The following PNPLA7 variants were observed in gnomAD, a reference collection of about 807,000 sequenced individuals.
PNPLA7 encodes the protein patatin-like phospholipase domain-containing protein 7.
Under a neutral mutation model 161.7 loss-of-function variants are expected in PNPLA7, and 153 were observed. The ratio of observed to expected loss-of-function variants is 0.95; its 90% confidence interval spans 0.83 to 1.08. The LOEUF (loss-of-function observed/expected upper bound fraction) is 1.08. Among genes scored for constraint, PNPLA7 ranks in the 50% least tolerant of loss-of-function variants. PNPLA7 has a pLI of 0.00. For synonymous variants in PNPLA7, 809 were observed against 782.1 expected, an observed-to-expected ratio of 1.03 and a Z score of -0.57; for missense variants, 1,739 against 1,856.6, an observed-to-expected ratio of 0.94 and a Z score of 1.16.
chr9:137,505,266 AAAGT>A (rs1447617866), intron 14 of PNPLA7, among the ~76,000 whole-genome samples: 2 of 151,592 alleles, frequency 1.3e-5, no homozygotes, highest in Non-Finnish European at 2.9e-5. Context: ...TGAATATTAA[AAAGT>A]AATAAAAATA....
At chr9:137,466,215 G>A (rs893469297) in intron 26 of PNPLA7, among the ~76,000 whole-genome samples, 1 of 152,278 alleles carries the variant, frequency 6.6e-6, no homozygotes, top group South Asian at 2.1e-4. Context: ...CCCCATGGAG[G>A]CTCCATGCCT....
intron 9 of PNPLA7, among the ~76,000 whole-genome samples, chr9:137,522,354 G>C (rs1028817332): frequency 2.0e-5 from 3 of 149,872 alleles, no homozygotes; most frequent in African/African-American, 2.5e-5. Flanking sequence ...GGTTACAGGC[G>C]GGAGCCGCCG....
chr9:137,544,803 C>CA (rs1836401483), intron 4 of PNPLA7, among the ~76,000 whole-genome samples: 2 of 152,134 alleles, frequency 1.3e-5, no homozygotes, highest in Non-Finnish European at 2.9e-5. Context: ...GCGCCCGCCA[C>CA]AAAGCCCAGC....
intron 21 of PNPLA7, among the ~76,000 whole-genome samples, chr9:137,483,337 C>T (rs545713913): frequency 5.8e-4 from 88 of 152,240 alleles, no homozygotes; most frequent in Admixed American, 2.9e-3. Context: ...CTGATGTCAC[C>T]GGAAATGAGT....
intron 7 of PNPLA7, 92 bp downstream of exon 7, chr9:137,542,550 C>T: frequency 7.4e-7 from 1 of 1,355,768 alleles, no homozygotes; most frequent in Non-Finnish European, 9.7e-7. Flanking sequence ...TTTTGCCTAG[C>T]TTTTCAATGA....
intron 12 of PNPLA7, among the ~76,000 whole-genome samples, chr9:137,514,922 G>T (rs1169330968): frequency 6.6e-6 from 1 of 152,044 alleles, no homozygotes; most frequent in Non-Finnish European, 1.5e-5. Context: ...CTGTGGCTGG[G>T]CTGTGGGCGG....
chr9:137,543,559 T>C lies in PNPLA7; in HGVS notation c.379A>G (p.Lys127Glu). Residue 127 changes from lysine (K) to glutamate (E), a missense_variant, in exon 6 of 35, where the codon AAG becomes GAG. Coordinates refer to ENST00000406427, the MANE Select transcript of PNPLA7 (RefSeq NM_001098537.3). The surrounding 1 kb of genome is among the most constrained non-coding windows in gnomAD (Gnocchi z 6.9). ...GGCTGCAGGGCCGGGTATTCCTTCT[T>C]GAAACGCAGAATCCTACAAGGCAGA... ...LSLAKRILRF[K>E]KEYPALQPKE... 1.2e-6 allele frequency: 2 copies of C among 1,612,452 alleles called. No individual in the cohort carries two copies. The highest frequency in any genetic ancestry group is 1.7e-6 in the Non-Finnish European group (2 of 1,179,202).
chr9:137,481,684 T>G lies in PNPLA7; in HGVS notation c.2348-661A>C, dbSNP rs569971767. Among the ~76,000 whole-genome samples, 22 of 152,280 alleles carry G rather than the reference T, an allele frequency of 1.4e-4. 1 individual carries two copies. The East Asian group carries it at 2.5e-3, about 17-fold the overall frequency. ...TTCTAATTAAAAGCTAGAGATCGGCTGGGCGCGGTGGCTCACGCCTGTAAT... is the reference window on the plus strand; with the variant it reads ...TTCTAATTAAAAGCTAGAGATCGGCGGGGCGCGGTGGCTCACGCCTGTAAT... On this transcript the variant is annotated intron_variant, in intron 21 of 34. Transcript: ENST00000406427.
At chr9:137,545,468 C>T (rs560471874) in intron 4 of PNPLA7, among the ~76,000 whole-genome samples, 18 of 152,256 alleles carry the variant, frequency 1.2e-4, no homozygotes, top group Admixed American at 7.8e-4. Context: ...AGCAGCTTTC[C>T]GTTCTCACTT....
intron 12 of PNPLA7, chr9:137,509,762 G>A (rs1185111818): frequency 4.4e-6 from 2 of 455,310 alleles, no homozygotes; most frequent in East Asian, 7.0e-5. Context: ...AGACGCTGGT[G>A]TCTGTGGGCG....
chr9:137,461,864 G>A (rs1831218022), intron 32 of PNPLA7, 67 bp downstream of exon 32: 2 of 1,445,546 alleles, frequency 1.4e-6, no homozygotes, highest in Non-Finnish European at 1.8e-6. Flanking sequence ...TGAACTGGGC[G>A]TGGGCGTGGC....
chr9:137,527,912 T>C (rs1835380627), intron 8 of PNPLA7, among the ~76,000 whole-genome samples: 1 of 152,248 alleles, frequency 6.6e-6, no homozygotes, highest in Non-Finnish European at 1.5e-5. Flanking sequence ...GGATTTTAGC[T>C]ACAGATTCGA....
intron 8 of PNPLA7, among the ~76,000 whole-genome samples, chr9:137,533,333 C>A (rs1172276349): frequency 6.9e-6 from 1 of 143,948 alleles, no homozygotes; most frequent in Non-Finnish European, 1.5e-5. Flanking sequence ...GGAGCACCCC[C>A]AGACTCCTCC....
At position 137,550,268 on chromosome 9, in the gene PNPLA7, C is replaced by G; in HGVS notation, c.-71G>C. On this transcript the variant is annotated 5_prime_UTR_variant, in exon 1 of 35. Transcript: ENST00000406427. ...GAAGCAAACAAGGGCACACCTCTAC[C>G]CGCTCATGCTCACACCTGGACACTT... 1 of 1,543,540 alleles carries G rather than the reference C, an allele frequency of 6.5e-7. No individual in the cohort carries two copies.
chr9:137,460,969 G>A (rs1460356381), intron 33 of PNPLA7: 5 of 529,522 alleles, frequency 9.4e-6, no homozygotes, highest in African/African-American at 5.7e-5. Context: ...CAAGGACAAG[G>A]AGCGGGCAGA....
rs756430911 is a variant in PNPLA7 at position 137,478,094 on chromosome 9, C to T, written c.2822G>A (p.Arg941His). The T allele has an allele frequency of 5.4e-5, 75 of 1,376,950 alleles. No individual in the cohort carries two copies. In the Middle Eastern group the frequency reaches 5.7e-4, roughly 10 times the overall value. The allele number at this position is 1,376,950 out of a possible 1,614,324, so 85.3% of individuals were successfully genotyped here. ...GTTGCCCGTCAGCACCCTCGCCAGG[C>T]GGGAGAAGTCTGAGTGTCGGTCCGG... ...RPPDRHSDFS[R>H]LARVLTGNAI... The change falls in exon 25 of 35, where the codon CGC becomes CAC. Residue 941 changes from arginine (R) to histidine (H), a missense_variant. Transcript: ENST00000406427.
chr9:137,464,570 T>C, intron 26 of PNPLA7, 114 bp from the exon 27 acceptor site: 1 of 980,724 alleles, frequency 1.0e-6, no homozygotes, highest in Non-Finnish European at 1.6e-6. Context: ...CAGAGTGTCC[T>C]TGGGCCCCAC....
chr9:137,478,166 C>T lies in PNPLA7; in HGVS notation c.2764-14G>A, dbSNP rs905241486. ...GTACATCTCCACCTGGGGGAGGAGC[C>T]GTCAGGCAGGGCTGGTGCAGGGCCC... On this transcript the variant is annotated splice_polypyrimidine_tract_variant and intron_variant, in intron 24 of 34. Coordinates refer to ENST00000406427, the MANE Select transcript of PNPLA7 (RefSeq NM_001098537.3). 80 of 1,282,844 alleles carry T rather than the reference C, an allele frequency of 6.2e-5. No homozygotes were observed. Among genetic ancestry groups the T allele is most frequent in the Non-Finnish European group, 7.2e-5 (72 of 1,005,056 alleles). The allele number at this position is 1,282,844 out of a possible 1,614,324, so 79.5% of individuals were successfully genotyped here.
At chr9:137,463,608 C>A in intron 28 of PNPLA7, 77 bp from the exon 29 acceptor site, 1 of 1,099,040 alleles carries the variant, frequency 9.1e-7, no homozygotes, top group Middle Eastern at 2.3e-4. Flanking sequence ...CTTGCCACTG[C>A]AGTCCTGGAG....
Sources: gnomAD v4.1 joint callset for allele counts (sites outside exome capture counted in the v4.1 genomes callset) on GRCh38, gnomAD v4.1.1 for gene constraint, Gnocchi (gnomAD v3.1) non-coding constraint, MANE v1.5 for transcripts, NCBI Gene and HGNC (gene_info 2026-07-23, HGNC 2026-07-21) for gene names.